Variants in ACCSL observed in about 807,000 individuals in gnomAD.
ACCSL encodes probable inactive 1-aminocyclopropane-1-carboxylate synthase-like protein 2.
ACCSL carries 55 observed loss-of-function variants against 61.7 expected under a neutral mutation model. That is an observed-to-expected ratio of 0.89 (90% confidence interval 0.72 to 1.12). The LOEUF is 1.12. ACCSL is among the 50% of genes most tolerant of loss of function. The probability of loss-of-function intolerance (pLI) is 0.00; values close to 1 mark genes in which losing one functional copy is unlikely to be tolerated. For missense variants in ACCSL, 632 were observed against 698.0 expected (o/e 0.91, Z 1.07); for synonymous variants, 258 against 264.3 (o/e 0.98, Z 0.23).
chr11:44,024,441 C>CTCTCTCTCTGTGTGTG, the ACCSL span, among the ~76,000 whole-genome samples: 2 of 132,014 alleles, frequency 1.5e-5, no homozygotes, highest in Non-Finnish European at 3.3e-5. Flanking sequence ...CTCTCTCTCT[C>CTCTCTCTCTGTGTGTG]TGTGTGTGTG....
chr11:43,969,986 AT>A, the ACCSL span, among the ~76,000 whole-genome samples: 103 of 148,988 alleles, frequency 6.9e-4, no homozygotes, highest in African/African-American at 2.2e-3. Context: ...GTTGTTCTGG[AT>A]TTTTTTTTTC....
intron 8 of ACCSL, among the ~76,000 whole-genome samples, chr11:44,053,759 G>A (rs963461889): frequency 2.6e-5 from 4 of 152,166 alleles, no homozygotes; most frequent in African/African-American, 9.7e-5. Context: ...CTACTTGGGA[G>A]GCTGAGACAT....
chr11:44,055,824 T>G (rs964419164), intron 9 of ACCSL, among the ~76,000 whole-genome samples: 1 of 152,252 alleles, frequency 6.6e-6, no homozygotes, highest in African/African-American at 2.4e-5. Flanking sequence ...GGCCCTAGAC[T>G]TCATTCAGTG....
At chr11:43,929,259 T>A in the ACCSL span, among the ~76,000 whole-genome samples, 1 of 152,172 alleles carries the variant, frequency 6.6e-6, no homozygotes, top group African/African-American at 2.4e-5. Context: ...CTTCCTTTGT[T>A]ACCCAGGCTG....
the ACCSL span, chr11:43,995,226 A>G: frequency 2.6e-5 from 4 of 152,198 alleles, no homozygotes; most frequent in Admixed American, 2.6e-4. Context: ...CTCTGTGCAC[A>G]GGAAGGTTGG....
chr11:44,056,584 G>C (rs1450034219), intron 11 of ACCSL, among the ~76,000 whole-genome samples: 1 of 152,204 alleles, frequency 6.6e-6, no homozygotes, highest in Admixed American at 6.5e-5. Context: ...TGTAATCCCA[G>C]CACTTTGGGA....
chr11:44,016,849 G>T, the ACCSL span, among the ~76,000 whole-genome samples: 23 of 152,244 alleles, frequency 1.5e-4, no homozygotes, highest in African/African-American at 5.5e-4. Flanking sequence ...CACTGACCTT[G>T]GGATTTTGGG....
At position 44,058,268 on chromosome 11, in the gene ACCSL, A is replaced by G. The variant is rs761972940; in HGVS notation, c.1328-49A>G. The G allele has an allele frequency of 3.3e-5, 52 of 1,592,008 alleles. 1 individual carries two copies. In the Admixed American group the frequency reaches 8.8e-4, roughly 27 times the overall value. Reference sequence around the variant, plus strand: ...GAGCATTTGGGAAGGAACTCTCGGTAGATTTCTGTAGTAATATCTGTGACA... The same window carrying G: ...GAGCATTTGGGAAGGAACTCTCGGTGGATTTCTGTAGTAATATCTGTGACA... On this transcript the variant is annotated intron_variant, in intron 11 of 13. Transcript: ENST00000378832.
chr11:43,925,687 G>A, the ACCSL span, among the ~76,000 whole-genome samples: 1 of 152,092 alleles, frequency 6.6e-6, no homozygotes, highest in Non-Finnish European at 1.5e-5. Flanking sequence ...CGGAATGACT[G>A]TCTGAGCCCT....
the ACCSL span, among the ~76,000 whole-genome samples, chr11:44,013,865 G>T: frequency 8.5e-5 from 13 of 152,280 alleles, no homozygotes; most frequent in East Asian, 2.5e-3. Flanking sequence ...CTTCGGGGTT[G>T]GTAACAGACA....
chr11:43,947,246 G>C, the ACCSL span: 1 of 152,230 alleles, frequency 6.6e-6, no homozygotes, highest in Non-Finnish European at 1.5e-5. Flanking sequence ...CATTGCCGTG[G>C]GGAGGGCACT....
chr11:43,929,665 C>G, the ACCSL span, among the ~76,000 whole-genome samples: 2 of 152,152 alleles, frequency 1.3e-5, no homozygotes, highest in African/African-American at 2.4e-5. Context: ...CCTTGGCTTC[C>G]CAAAATGCTA....
chr11:43,998,935 A>G, the ACCSL span, among the ~76,000 whole-genome samples: 3 of 151,588 alleles, frequency 2.0e-5, no homozygotes, highest in Non-Finnish European at 4.4e-5. Flanking sequence ...AAATTTTTAC[A>G]TTTTTTCAGA....
At chr11:43,926,423 G>A in the ACCSL span, 1,194 of 433,886 alleles carry the variant, frequency 2.8e-3, 7 homozygotes, top group African/African-American at 0.015. Flanking sequence ...TTGTTTTCTC[G>A]TTCTTGCAGG....
At chr11:43,943,189 G>C in the ACCSL span, 1 of 1,515,878 alleles carries the variant, frequency 6.6e-7, no homozygotes, top group Non-Finnish European at 8.8e-7. This position sits in a 1 kb window ranked among gnomAD's most constrained non-coding sequence, Gnocchi z 4.8. Flanking sequence ...GCAGCACGCA[G>C]AGCCTGTCGC....
the ACCSL span, among the ~76,000 whole-genome samples, chr11:44,026,806 T>C: frequency 6.6e-6 from 1 of 152,138 alleles, no homozygotes; most frequent in African/African-American, 2.4e-5. Flanking sequence ...CTCAACTCAC[T>C]GCAACCTCCG....
At chr11:43,940,123 G>T in the ACCSL span, among the ~76,000 whole-genome samples, 1 of 152,062 alleles carries the variant, frequency 6.6e-6, no homozygotes, top group Non-Finnish European at 1.5e-5. Flanking sequence ...AACAGCCAGA[G>T]TGAGTATTAT....
the ACCSL span, among the ~76,000 whole-genome samples, chr11:44,001,446 G>A: frequency 2.0e-5 from 3 of 152,010 alleles, no homozygotes; most frequent in Non-Finnish European, 2.9e-5. Flanking sequence ...GAAAAAAAAT[G>A]AGGGCAGAAG....
chr11:44,045,381 A>G (rs1479325663), upstream of ACCSL, among the ~76,000 whole-genome samples: 1 of 152,128 alleles, frequency 6.6e-6, no homozygotes, highest in Non-Finnish European at 1.5e-5. Flanking sequence ...CAGAGGTTGC[A>G]GTGAGCCATG....
Sources: gnomAD v4.1 joint callset for allele counts (sites outside exome capture counted in the v4.1 genomes callset) on GRCh38, gnomAD v4.1.1 for gene constraint, Gnocchi (gnomAD v3.1) non-coding constraint, MANE v1.5 for transcripts, NCBI Gene and HGNC (gene_info 2026-07-23, HGNC 2026-07-21) for gene names.